The following PAX5 variants were observed in gnomAD, a reference collection of about 807,000 sequenced individuals.
The protein encoded by PAX5 is paired box protein Pax-5.
In PAX5, 9 loss-of-function variants were observed where a neutral mutation model predicts 43.7. That is an observed-to-expected ratio of 0.21 (90% CI 0.12 to 0.36). The LOEUF (loss-of-function observed/expected upper bound fraction) is 0.36, where lower values mean the gene tolerates loss of function less well. Ranked by LOEUF, PAX5 falls within the 10% of genes least tolerant of loss-of-function variation. The pLI, the probability that PAX5 is intolerant of heterozygous loss-of-function variation, is 1.00. For synonymous variants in PAX5, 228 were observed against 214.3 expected (o/e 1.06, Z -0.56); for missense variants, 383 against 532.7 (o/e 0.72, Z 2.77).
intron 5 of PAX5, among the ~76,000 whole-genome samples, chr9:37,000,669 C>A (rs1433290188): frequency 6.6e-6 from 1 of 152,202 alleles, no homozygotes; most frequent in Non-Finnish European, 1.5e-5. Flanking sequence ...CTGTTGGCAG[C>A]CCAACAAGTG....
chr9:36,843,085 T>G (rs1362427975), intron 9 of PAX5, among the ~76,000 whole-genome samples: 1 of 151,874 alleles, frequency 6.6e-6, no homozygotes, highest in Non-Finnish European at 1.5e-5. Flanking sequence ...TGTGCCTGTG[T>G]GTGTGTGCGT....
At chr9:36,997,949 C>T (rs1837530718) in intron 5 of PAX5, among the ~76,000 whole-genome samples, 1 of 152,230 alleles carries the variant, frequency 6.6e-6, no homozygotes, top group Non-Finnish European at 1.5e-5. Flanking sequence ...CAGGCTAGAA[C>T]AGGCCTGCCT....
chr9:36,933,869 G>C (rs1313895667), intron 6 of PAX5, among the ~76,000 whole-genome samples: 1 of 152,120 alleles, frequency 6.6e-6, no homozygotes, highest in Non-Finnish European at 1.5e-5. Context: ...CCCCTTGCCA[G>C]GCCTCAGTGA....
chr9:36,910,982 G>A (rs969552368), intron 7 of PAX5, among the ~76,000 whole-genome samples: 1 of 152,170 alleles, frequency 6.6e-6, no homozygotes, highest in Non-Finnish European at 1.5e-5. Flanking sequence ...GGCTGAAGCT[G>A]TAATTTCTGC....
chr9:36,895,478 T>C (rs1563941778), intron 7 of PAX5, among the ~76,000 whole-genome samples: 1 of 152,202 alleles, frequency 6.6e-6, no homozygotes, highest in Non-Finnish European at 1.5e-5. Context: ...TGGATTAAAA[T>C]TACTAGTTGT....
intron 7 of PAX5, among the ~76,000 whole-genome samples, chr9:36,911,324 C>A (rs1255308152): frequency 6.9e-6 from 1 of 144,056 alleles, no homozygotes; most frequent in East Asian, 2.2e-4. Context: ...ATGCACAAAA[C>A]AACTTTTTTT....
At chr9:36,877,057 C>A (rs1400216273) in intron 8 of PAX5, among the ~76,000 whole-genome samples, 1 of 152,196 alleles carries the variant, frequency 6.6e-6, no homozygotes, top group Non-Finnish European at 1.5e-5. Context: ...GAAGTGGTGG[C>A]CGGGCACAGT....
Position 36,854,187 on chromosome 9 carries a change from A to C in PAX5, c.1013-7258T>G, listed in dbSNP as rs188502089. ...CAGCTCCTCTCCATGGCTTTGCAGA[A>C]CTGCATGAAATGCCTGGTGGCTCAG... On this transcript the variant is annotated intron_variant, in intron 8 of 9. Coordinates refer to ENST00000358127, the MANE Select transcript of PAX5 (RefSeq NM_016734.3). Among the ~76,000 whole-genome samples the C allele has an allele frequency of 5.3e-5, 8 of 152,368 alleles. No homozygotes were observed. The East Asian group carries it at 1.5e-3, about 29-fold the overall frequency.
intron 7 of PAX5, among the ~76,000 whole-genome samples, chr9:36,905,176 C>T (rs1828715254): frequency 6.6e-6 from 1 of 152,236 alleles, no homozygotes; most frequent in Non-Finnish European, 1.5e-5. Flanking sequence ...GATCCTTTCA[C>T]AGGCAAAGTC....
chr9:36,864,889 C>CA (rs1418045825), intron 8 of PAX5, among the ~76,000 whole-genome samples: 2 of 152,164 alleles, frequency 1.3e-5, no homozygotes, highest in East Asian at 3.9e-4. Context: ...CGCTGCCTGA[C>CA]AGCTCGCCCA....
intron 5 of PAX5, among the ~76,000 whole-genome samples, chr9:36,998,684 T>G (rs1168241120): frequency 1.3e-5 from 2 of 152,250 alleles, no homozygotes; most frequent in East Asian, 3.8e-4. Flanking sequence ...AGAAGCAGTG[T>G]AAAATATTTG....
intron 6 of PAX5, among the ~76,000 whole-genome samples, chr9:36,946,963 A>G (rs1237093379): frequency 6.6e-6 from 1 of 152,234 alleles, no homozygotes; most frequent in Admixed American, 6.5e-5. Context: ...CCAAAAACCC[A>G]TTCTAAACAG....
intron 7 of PAX5, among the ~76,000 whole-genome samples, chr9:36,917,045 A>G (rs1473723248): frequency 2.0e-5 from 3 of 152,166 alleles, no homozygotes; most frequent in African/African-American, 4.8e-5. Context: ...TATATTGATA[A>G]TTAGAATACT....
chr9:36,857,605 G>T (rs1007297080), intron 8 of PAX5, among the ~76,000 whole-genome samples: 1 of 152,212 alleles, frequency 6.6e-6, no homozygotes, highest in Non-Finnish European at 1.5e-5. Flanking sequence ...TGCAATGTGG[G>T]CTTGAGGACA....
chr9:36,866,683 G>C (rs1360775509), intron 8 of PAX5, among the ~76,000 whole-genome samples: 2 of 152,214 alleles, frequency 1.3e-5, no homozygotes, highest in East Asian at 3.9e-4. Context: ...ACTGAGGGGG[G>C]TGGGGACAAT....
intron 7 of PAX5, among the ~76,000 whole-genome samples, chr9:36,922,337 G>A (rs1442841622): frequency 6.6e-6 from 1 of 152,168 alleles, no homozygotes; most frequent in Non-Finnish European, 1.5e-5. Context: ...TGGGCATCCT[G>A]CTACCTCAAA....
In PAX5 at chr9:36,840,188, A is replaced by G. The variant is rs139967959; in HGVS notation, c.*372T>C. On this transcript the variant is annotated 3_prime_UTR_variant, in exon 10 of 10. Transcript: ENST00000358127. ...GAAGGTATTTACATGGGTGCTGCTGAAGCAACAAAAGCAAGCTCTCCTTCC... is the reference window on the plus strand; with the variant it reads ...GAAGGTATTTACATGGGTGCTGCTGGAGCAACAAAAGCAAGCTCTCCTTCC... 73 of 442,460 alleles carry G rather than the reference A, an allele frequency of 1.6e-4. No homozygotes were observed. Among genetic ancestry groups the G allele is most frequent in the African/African-American group, 1.2e-3 (61 of 50,870 alleles). 27.4% of individuals were successfully genotyped at this position (442,460 alleles called of 1,614,324 possible).
chr9:36,865,206 C>T (rs982128574), intron 8 of PAX5, among the ~76,000 whole-genome samples: 1 of 152,136 alleles, frequency 6.6e-6, no homozygotes, highest in African/African-American at 2.4e-5. Context: ...CAGGTGCTTC[C>T]CTCAGTTCTC....
In PAX5 at chr9:37,020,742, C is replaced by T. The variant is rs570062385; in HGVS notation, c.106G>A (p.Val36Ile). The change falls in exon 2 of 10, where the codon GTA becomes ATA. Residue 36 changes from valine to isoleucine, a missense_variant. Transcript: ENST00000358127. ...VFVNGRPLPD[V>I]VRQRIVELAH... ...AGTTCCACTATCCTCTGGCGGACTA[C>T]ATCCGGGAGTGGCCGTCCATTCACA... is the stretch of plus-strand genomic sequence containing the variant. 5.6e-6 allele frequency: 9 copies of T among 1,614,166 alleles called. No individual in the cohort carries two copies. In the South Asian group the frequency reaches 9.9e-5, roughly 18 times the overall value.
Sources: gnomAD v4.1 joint callset for allele counts (sites outside exome capture counted in the v4.1 genomes callset) on GRCh38, gnomAD v4.1.1 for gene constraint, MANE v1.5 for transcripts, NCBI Gene and HGNC (gene_info 2026-07-23, HGNC 2026-07-21) for gene names.